The following BRSK2 variants were observed in gnomAD, a reference collection of about 807,000 sequenced individuals.
BRSK2 encodes BR serine/threonine kinase 2, also known as serine/threonine-protein kinase BRSK2.
Under a neutral mutation model 83.3 loss-of-function variants are expected in BRSK2, and 19 were observed. The ratio of observed to expected loss-of-function variants is 0.23; its 90% CI spans 0.16 to 0.33. The LOEUF (loss-of-function observed/expected upper bound fraction) is 0.33, where lower values mean the gene tolerates loss of function less well. BRSK2 is among the 10% of genes least tolerant of loss of function. The probability of loss-of-function intolerance (pLI) is 1.00; values close to 1 mark genes in which losing one functional copy is unlikely to be tolerated. For missense variants in BRSK2, 798 were observed against 1,042.3 expected, an observed-to-expected ratio of 0.77 and a Z score of 3.23; for synonymous variants, 519 against 435.4, an observed-to-expected ratio of 1.19 and a Z score of -2.39.
intron 14 of BRSK2, 46 bp downstream of exon 14, chr11:1,450,840 G>A: frequency 6.6e-7 from 1 of 1,526,572 alleles, no homozygotes; most frequent in Non-Finnish European, 8.8e-7. Context: ...GGAGAGAGCA[G>A]AGGCTGCCTT....
intron 16 of BRSK2, among the ~76,000 whole-genome samples, chr11:1,455,254 G>A (rs1846348968): frequency 6.6e-6 from 1 of 151,890 alleles, no homozygotes; most frequent in African/African-American, 2.4e-5. Flanking sequence ...CTTCCTTGCC[G>A]GCCCTGCCCC....
At chr11:1,449,500 G>A (rs992531739) in intron 12 of BRSK2, among the ~76,000 whole-genome samples, 31 of 152,190 alleles carry the variant, frequency 2.0e-4, no homozygotes, top group Non-Finnish European at 3.1e-4. Flanking sequence ...GTCCTTTGCC[G>A]CGGCTGTCTG....
chr11:1,442,930 C>G (rs918818970), intron 5 of BRSK2, among the ~76,000 whole-genome samples, 176 bp from the exon 6 acceptor site: 1 of 152,132 alleles, frequency 6.6e-6, no homozygotes, highest in African/African-American at 2.4e-5. Flanking sequence ...CAGCAGAGAC[C>G]CAGTGCCCCA....
chr11:1,408,004 C>G (rs891144934), intron 1 of BRSK2, among the ~76,000 whole-genome samples: 1 of 152,240 alleles, frequency 6.6e-6, no homozygotes. Context: ...GCTGCCTGGG[C>G]ACCTCCTCCA....
rs986251482 is a variant in BRSK2, at chr11:1,390,492, C to T, written c.91+117C>T. 4.7e-5 allele frequency: 21 copies of T among 451,424 alleles called. No homozygotes were observed. In the South Asian group the frequency reaches 1.7e-3, roughly 36 times the overall value. The allele number at this position is 451,424 out of a possible 1,614,324, so 28.0% of individuals were successfully genotyped here. ...GCCGCAGGCCCGGCCCGGGCCCCGG[C>T]CGCGAACAATGGGCGGCCCGTGCGC... is the stretch of plus-strand genomic sequence containing the variant. On this transcript the variant is annotated intron_variant, in intron 1 of 19. Transcript: ENST00000528841. This position sits in a 1 kb window ranked among gnomAD's most constrained non-coding sequence, Gnocchi z 6.8.
intron 12 of BRSK2, 135 bp from the exon 13 acceptor site, chr11:1,449,641 C>G: frequency 1.4e-6 from 1 of 694,902 alleles, no homozygotes; most frequent in East Asian, 2.9e-5. Flanking sequence ...GGGTGTGCAG[C>G]AGGACCCAGG....
intron 8 of BRSK2, 30 bp from the exon 9 acceptor site, chr11:1,444,941 T>C: frequency 6.2e-7 from 1 of 1,607,782 alleles, no homozygotes; most frequent in South Asian, 1.1e-5. Context: ...CCCTCGTCCG[T>C]ACTAACTCCC....
intron 1 of BRSK2, among the ~76,000 whole-genome samples, chr11:1,433,936 G>T (rs1849927456): frequency 6.6e-6 from 1 of 152,240 alleles, no homozygotes; most frequent in Non-Finnish European, 1.5e-5. Flanking sequence ...CCCCCACCCG[G>T]CCTGGGCTCA....
intron 19 of BRSK2, 66 bp from the exon 20 acceptor site, chr11:1,460,432 CTT>C (rs1448884004): frequency 6.6e-6 from 7 of 1,062,488 alleles, no homozygotes; most frequent in South Asian, 3.9e-5. Context: ...CTCCCCTCCT[CTT>C]TCTCTCCCCC....
rs201414821 is a variant in BRSK2, at chr11:1,436,026, C to T, written c.92-14C>T. ...CCCTGGGTGGGTCTGAGCGCGGCTG[C>T]TTCTCTCCCGCAGGTCTGGTGAAGC... is the stretch of plus-strand genomic sequence containing the variant. On this transcript the variant is annotated splice_polypyrimidine_tract_variant and intron_variant, in intron 1 of 19. Transcript: ENST00000528841. 1 of 1,597,960 alleles carries T rather than the reference C, an allele frequency of 6.3e-7. No homozygotes were observed. The highest frequency in any genetic ancestry group is 8.5e-7 in the Non-Finnish European group (1 of 1,172,222).
At chr11:1,425,348 G>A (rs756077075) in intron 1 of BRSK2, among the ~76,000 whole-genome samples, 24 of 152,304 alleles carry the variant, frequency 1.6e-4, no homozygotes, top group African/African-American at 5.1e-4. Flanking sequence ...TCCTCAGCAC[G>A]TGGACGCCCT....
intron 1 of BRSK2, chr11:1,411,290 C>T: frequency 7.6e-7 from 1 of 1,315,726 alleles, no homozygotes. Context: ...AGCCAGTGCC[C>T]CGCCATGGCC....
intron 1 of BRSK2, among the ~76,000 whole-genome samples, chr11:1,424,920 C>T (rs915715713): frequency 5.9e-5 from 9 of 152,302 alleles, no homozygotes; most frequent in East Asian, 5.8e-4. Flanking sequence ...AGAGTGCTGG[C>T]GGGAGGGGTG....
chr11:1,405,269 G>A (rs1335845946), intron 1 of BRSK2, among the ~76,000 whole-genome samples: 4 of 152,138 alleles, frequency 2.6e-5, no homozygotes, highest in Non-Finnish European at 5.9e-5. Context: ...AGGAGCTGAC[G>A]TTGCTCCTGG....
intron 1 of BRSK2, among the ~76,000 whole-genome samples, chr11:1,404,956 A>G (rs1252889991): frequency 6.3e-5 from 3 of 47,354 alleles, no homozygotes; most frequent in African/African-American, 1.6e-4. Context: ...CAAGGCCCCC[A>G]AGGTGTGGCA....
chr11:1,459,407 A>C (rs11029038), intron 19 of BRSK2, 168 bp downstream of exon 19: 467,153 of 719,668 alleles, frequency 0.65, 154,251 homozygotes, highest in Admixed American at 0.7. Flanking sequence ...GGAGCAGCCC[A>C]GGTCGCTCCC....
chr11:1,462,425 C>A lies in BRSK2; in HGVS notation c.*1702C>A, dbSNP rs1366189657. The A allele has an allele frequency of 1.3e-5, 2 of 152,254 alleles. No homozygotes were observed. Among genetic ancestry groups the A allele is most frequent in the African/African-American group, 4.8e-5 (2 of 41,396 alleles). The allele number at this position is 152,254 out of a possible 1,614,324, so 9.4% of individuals were successfully genotyped here. On this transcript the variant is annotated 3_prime_UTR_variant, in exon 20 of 20. Transcript: ENST00000528841. ...TTTAACGCTTCTGTTAACATTAGAC[C>A]TCTGCCACAGGCTGGGATTTCTATA...
At chr11:1,411,843 C>T (rs1365792755) in intron 1 of BRSK2, among the ~76,000 whole-genome samples, 1 of 152,226 alleles carries the variant, frequency 6.6e-6, no homozygotes, top group Non-Finnish European at 1.5e-5. Context: ...GGCTCCTGCC[C>T]ACTGGCCCGG....
At chr11:1,421,580 C>A (rs577166242) in intron 1 of BRSK2, among the ~76,000 whole-genome samples, 1 of 152,304 alleles carries the variant, frequency 6.6e-6, no homozygotes, top group African/African-American at 2.4e-5. Flanking sequence ...CCAAGAGATG[C>A]GCCGCCCCTT....
Sources: gnomAD v4.1 joint callset for allele counts (sites outside exome capture counted in the v4.1 genomes callset) on GRCh38, gnomAD v4.1.1 for gene constraint, Gnocchi (gnomAD v3.1) non-coding constraint, MANE v1.5 for transcripts, NCBI Gene and HGNC (gene_info 2026-07-23, HGNC 2026-07-21) for gene names.